DRC5: variants seen among roughly 807,000 people sequenced by gnomAD.
DRC5 encodes the protein T-complex-associated testis-expressed protein 1.
the DRC5 span, among the ~76,000 whole-genome samples, chr6:44,284,412 T>G: frequency 5.8e-4 from 88 of 152,138 alleles, no homozygotes; most frequent in African/African-American, 2.0e-3. Context: ...GGCTCTCCCC[T>G]GTGAGACTCC....
chr6:44,282,361 G>C, the DRC5 span: 1 of 1,614,212 alleles, frequency 6.2e-7, no homozygotes, highest in South Asian at 1.1e-5. Flanking sequence ...TGGGCACCGG[G>C]TGCACGCACC....
At chr6:44,286,057 G>T in the DRC5 span, 1 of 1,614,202 alleles carries the variant, frequency 6.2e-7, no homozygotes, top group East Asian at 2.2e-5. Flanking sequence ...TCATGCCGCA[G>T]TCCTTGACAT....
At chr6:44,284,683 C>G in the DRC5 span, among the ~76,000 whole-genome samples, 1 of 152,214 alleles carries the variant, frequency 6.6e-6, no homozygotes, top group African/African-American at 2.4e-5. Context: ...CTCCTTCCTT[C>G]TCCTTCAGAT....
chr6:44,293,663 T>C, the DRC5 span, among the ~76,000 whole-genome samples: 2 of 152,040 alleles, frequency 1.3e-5, no homozygotes, highest in Admixed American at 1.3e-4. Flanking sequence ...TATGTCCCCC[T>C]CCCCTCACTG....
At chr6:44,286,407 A>T in the DRC5 span, 1 of 1,614,172 alleles carries the variant, frequency 6.2e-7, no homozygotes, top group Non-Finnish European at 8.5e-7. Context: ...CGATGCATGC[A>T]GCAGCGGAGC....
At chr6:44,293,306 C>CAAAA in the DRC5 span, among the ~76,000 whole-genome samples, 1 of 88,858 alleles carries the variant, frequency 1.1e-5, no homozygotes, top group Non-Finnish European at 2.2e-5. Context: ...ACTATCCTCT[C>CAAAA]AAAAAAAAAA....
chr6:44,286,821 G>C, the DRC5 span, among the ~76,000 whole-genome samples: 1 of 152,196 alleles, frequency 6.6e-6, no homozygotes, highest in Admixed American at 6.5e-5. Context: ...GGTCTGATGG[G>C]GGATACAATC....
At chr6:44,281,784 G>A in the DRC5 span, among the ~76,000 whole-genome samples, 135,480 of 152,256 alleles carry the variant, frequency 0.89, 61,418 homozygotes, top group East Asian at 1. Flanking sequence ...GGTTTGAATC[G>A]TAGCCTTGCC....
At chr6:44,290,360 G>A in the DRC5 span, among the ~76,000 whole-genome samples, 644 of 152,218 alleles carry the variant, frequency 4.2e-3, 6 homozygotes, top group Non-Finnish European at 6.6e-3. Flanking sequence ...GATAATGGTC[G>A]GTTAATATTG....
the DRC5 span, chr6:44,280,069 AT>A: frequency 1.0e-6 from 1 of 986,654 alleles, no homozygotes; most frequent in Non-Finnish European, 1.6e-6. Context: ...CTCCAAGGTT[AT>A]TCACAGTCCC....
chr6:44,290,310 T>C, the DRC5 span, among the ~76,000 whole-genome samples: 1 of 152,178 alleles, frequency 6.6e-6, no homozygotes, highest in Admixed American at 6.5e-5. Context: ...AACTGGATAA[T>C]AATATCTTCC....
At chr6:44,290,577 TAGAC>T in the DRC5 span, among the ~76,000 whole-genome samples, 39 of 152,250 alleles carry the variant, frequency 2.6e-4, no homozygotes, top group African/African-American at 9.4e-4. Flanking sequence ...TGGGGGCTCA[TAGAC>T]AGTACGACAG....
the DRC5 span, among the ~76,000 whole-genome samples, chr6:44,290,252 T>C: frequency 6.6e-6 from 1 of 152,232 alleles, no homozygotes; most frequent in Non-Finnish European, 1.5e-5. Flanking sequence ...CTTTGTGACC[T>C]TGGCCAAGTT....
the DRC5 span, among the ~76,000 whole-genome samples, chr6:44,285,263 G>A: frequency 6.6e-6 from 1 of 152,278 alleles, no homozygotes; most frequent in Non-Finnish European, 1.5e-5. Flanking sequence ...CTTCTTTATA[G>A]CATTCATCCC....
chr6:44,287,647 C>T, the DRC5 span: 60 of 1,614,100 alleles, frequency 3.7e-5, no homozygotes, highest in South Asian at 2.1e-4. Context: ...CCGGCGCATC[C>T]GACGGATATT....
At chr6:44,280,644 TGGTTCAGCCATG>T in the DRC5 span, among the ~76,000 whole-genome samples, 1 of 152,242 alleles carries the variant, frequency 6.6e-6, no homozygotes, top group African/African-American at 2.4e-5. Context: ...TCCATTCCTT[TGGTTCAGCCATG>T]GGCATGTGGG....
the DRC5 span, chr6:44,282,008 G>T: frequency 8.9e-7 from 1 of 1,121,194 alleles, no homozygotes; most frequent in South Asian, 1.5e-5. Context: ...ACTTGATGCA[G>T]TATGTAGTAT....
the DRC5 span, among the ~76,000 whole-genome samples, chr6:44,296,684 C>T: frequency 5.9e-3 from 873 of 147,234 alleles, 1 homozygote; most frequent in Non-Finnish European, 0.01. Flanking sequence ...GGGCAGACAG[C>T]GCCTCTGTGC....
the DRC5 span, chr6:44,287,479 C>T: frequency 6.7e-6 from 10 of 1,492,400 alleles, no homozygotes; most frequent in South Asian, 5.1e-5. Context: ...GTCTTGGCTC[C>T]GGACAGTCCC....
Sources: allele counts gnomAD v4.1 joint callset (sites outside exome capture counted in the v4.1 genomes callset), GRCh38; gene constraint gnomAD v4.1.1; transcripts MANE v1.5; gene names NCBI Gene and HGNC (gene_info 2026-07-23, HGNC 2026-07-21).